Variants in SH3RF3 observed in about 807,000 individuals in gnomAD.
SH3RF3 encodes the protein E3 ubiquitin-protein ligase SH3RF3.
A neutral mutation model predicts 66.3 loss-of-function variants in SH3RF3; 29 were observed. The ratio of observed to expected loss-of-function variants is 0.44; its 90% CI spans 0.33 to 0.60. SH3RF3 has a LOEUF of 0.60. Ranked by LOEUF, SH3RF3 falls within the 20% of genes least tolerant of loss-of-function variation. The probability of loss-of-function intolerance (pLI) is 0.04; values close to 1 mark genes in which losing one functional copy is unlikely to be tolerated. For synonymous variants in SH3RF3, 583 were observed against 532.0 expected (o/e 1.10, Z -1.32); for missense variants, 1,194 against 1,190.9 (o/e 1.00, Z -0.04).
intron 8 of SH3RF3, among the ~76,000 whole-genome samples, chr2:109,453,727 G>A (rs1389919206): frequency 6.6e-6 from 1 of 152,240 alleles, no homozygotes; most frequent in East Asian, 1.9e-4. Flanking sequence ...GTATAGTACA[G>A]GTCACTGTAC....
At chr2:109,452,745 C>T (rs924505001) in intron 8 of SH3RF3, among the ~76,000 whole-genome samples, 2 of 151,322 alleles carry the variant, frequency 1.3e-5, no homozygotes, top group African/African-American at 2.4e-5. Flanking sequence ...GAGGCTTGTC[C>T]CCAGGAGGCT....
intron 4 of SH3RF3, among the ~76,000 whole-genome samples, chr2:109,418,180 C>T (rs1559072741): frequency 6.6e-6 from 1 of 152,078 alleles, no homozygotes; most frequent in Non-Finnish European, 1.5e-5. Flanking sequence ...TCTGCTGGGA[C>T]CCCTATTCTG....
chr2:109,392,679 C>T (rs1033387472), intron 3 of SH3RF3, among the ~76,000 whole-genome samples: 15 of 152,028 alleles, frequency 9.9e-5, no homozygotes, highest in African/African-American at 3.1e-4. Context: ...CCACCACGCC[C>T]GGCTAATTTT....
intron 1 of SH3RF3, among the ~76,000 whole-genome samples, chr2:109,296,901 ACACAGGAGTGTGG>A (rs1437657277): frequency 6.6e-6 from 1 of 152,120 alleles, no homozygotes; most frequent in Non-Finnish European, 1.5e-5. Context: ...TGAGTTTTAA[ACACAGGAGTGTGG>A]ATTGGGCTGC....
At chr2:109,378,607 G>A (rs1683443654) in intron 3 of SH3RF3, among the ~76,000 whole-genome samples, 1 of 152,192 alleles carries the variant, frequency 6.6e-6, no homozygotes, top group Non-Finnish European at 1.5e-5. Flanking sequence ...ATGTTCTTGA[G>A]CTTTGATTTT....
intron 2 of SH3RF3, 138 bp from the exon 3 acceptor site, chr2:109,371,448 T>C: frequency 1.6e-6 from 1 of 625,960 alleles, no homozygotes; most frequent in South Asian, 2.2e-5. Flanking sequence ...GTCAGATACC[T>C]GAATGGATAA....
chr2:109,291,280 C>CT (rs11295870), intron 1 of SH3RF3, among the ~76,000 whole-genome samples: 4,367 of 137,244 alleles, frequency 0.032, 124 homozygotes, highest in Admixed American at 0.088. Context: ...AGAGTAATCT[C>CT]TTTTTTTTTT....
chr2:109,432,743 G>T, intron 6 of SH3RF3, 72 bp downstream of exon 6: 2 of 1,520,166 alleles, frequency 1.3e-6, no homozygotes, highest in Non-Finnish European at 8.8e-7. Context: ...TGTTGTTACT[G>T]CTGGAGGCTA....
intron 8 of SH3RF3, among the ~76,000 whole-genome samples, chr2:109,482,950 T>G (rs1340406622): frequency 1.3e-5 from 2 of 152,378 alleles, no homozygotes; most frequent in African/African-American, 4.8e-5. Context: ...TGAAGATGCA[T>G]GTTAATGTTT....
chr2:109,275,971 G>A (rs1481069921), intron 1 of SH3RF3, among the ~76,000 whole-genome samples: 1 of 152,170 alleles, frequency 6.6e-6, no homozygotes. Flanking sequence ...ATGTGCAGCT[G>A]GGTGAGGGGA....
intron 8 of SH3RF3, among the ~76,000 whole-genome samples, chr2:109,452,584 G>A (rs1250511555): frequency 1.3e-5 from 2 of 152,182 alleles, no homozygotes; most frequent in African/African-American, 4.8e-5. Flanking sequence ...CGTAGAGTAG[G>A]GAGTAATTTT....
rs575542622 is a variant in SH3RF3 at position 109,293,028 on chromosome 2, C to G, written c.574-54646C>G. 2.6e-5 allele frequency among the ~76,000 whole-genome samples: 4 copies of G among 152,256 alleles called. No homozygotes were observed. The East Asian group carries it at 5.8e-4, about 22-fold the overall frequency. ...ATTACAGGCGTGAGGCACCGCACCCCAATTTGACATTTAAATGGCATCTGT... is the reference window on the plus strand; with the variant it reads ...ATTACAGGCGTGAGGCACCGCACCCGAATTTGACATTTAAATGGCATCTGT... On this transcript the variant is annotated intron_variant, in intron 1 of 9. Coordinates refer to ENST00000309415, the MANE Select transcript of SH3RF3 (RefSeq NM_001099289.3).
At position 109,137,090 on chromosome 2, in the gene SH3RF3, C is replaced by T. The variant is rs562983406; in HGVS notation, c.573+6977C>T. Among the ~76,000 whole-genome samples, 3 of 152,114 alleles carry T rather than the reference C, an allele frequency of 2.0e-5. No individual in the cohort carries two copies. The East Asian group carries it at 5.8e-4, about 29-fold the overall frequency. ...TTATAATGAAATGTAATTTTTTTTC[C>T]ATTTAGTTAGGTGACCAGATATGCT... is the stretch of plus-strand genomic sequence containing the variant. On this transcript the variant is annotated intron_variant, in intron 1 of 9. Coordinates refer to ENST00000309415, the MANE Select transcript of SH3RF3 (RefSeq NM_001099289.3).
intron 1 of SH3RF3, among the ~76,000 whole-genome samples, chr2:109,201,691 A>G (rs1213168824): frequency 6.6e-6 from 1 of 152,202 alleles, no homozygotes; most frequent in African/African-American, 2.4e-5. Flanking sequence ...CGTCAGCAGC[A>G]TGGGAAACGC....
chr2:109,422,140 C>A (rs546634938), intron 5 of SH3RF3, among the ~76,000 whole-genome samples: 2 of 152,310 alleles, frequency 1.3e-5, no homozygotes, highest in African/African-American at 2.4e-5. Context: ...CTGTAAGTCA[C>A]GTTCAGAAGT....
chr2:109,381,293 C>T (rs1457360800), intron 3 of SH3RF3, among the ~76,000 whole-genome samples: 1 of 152,242 alleles, frequency 6.6e-6, no homozygotes, highest in Non-Finnish European at 1.5e-5. Flanking sequence ...CAGACTGCTT[C>T]TCCCCTAGGC....
In SH3RF3 at chr2:109,396,057, G is replaced by A. The variant is rs147325654; in HGVS notation, c.946-2533G>A. Among the ~76,000 whole-genome samples, 72 of 152,260 alleles carry A rather than the reference G, an allele frequency of 4.7e-4. 1 individual carries two copies. Among genetic ancestry groups the A allele is most frequent in the African/African-American group, 1.3e-3 (56 of 41,566 alleles). On this transcript the variant is annotated intron_variant, in intron 3 of 9. Transcript: ENST00000309415. ...GGCGCGTGGCAGGTGTGTTTAGAAC[G>A]TGCTCCGATGCCAGTGAGTGAGACG...
At chr2:109,433,221 A>G (rs1677296429) in intron 6 of SH3RF3, among the ~76,000 whole-genome samples, 1 of 152,274 alleles carries the variant, frequency 6.6e-6, no homozygotes, top group Admixed American at 6.5e-5. Flanking sequence ...GTGTCATCAT[A>G]TATAGACGTG....
chr2:109,204,244 C>T (rs1678754433), intron 1 of SH3RF3, among the ~76,000 whole-genome samples: 1 of 152,228 alleles, frequency 6.6e-6, no homozygotes, highest in Admixed American at 6.5e-5. Context: ...AACCATGAAA[C>T]TTACTTTGCT....
Sources: gnomAD v4.1 joint callset for allele counts (sites outside exome capture counted in the v4.1 genomes callset) on GRCh38, gnomAD v4.1.1 for gene constraint, MANE v1.5 for transcripts, NCBI Gene and HGNC (gene_info 2026-07-23, HGNC 2026-07-21) for gene names.